LRRC4C: variants seen among roughly 807,000 people sequenced by gnomAD.
LRRC4C encodes the protein leucine rich repeat containing 4C.
LRRC4C carries 5 observed loss-of-function variants against 33.6 expected under a neutral mutation model. That is an observed-to-expected ratio of 0.15 (90% confidence interval 0.08 to 0.31). LRRC4C has a LOEUF of 0.31. Among genes scored for constraint, LRRC4C ranks in the 10% least tolerant of loss-of-function variants. The pLI is 1.00. For missense variants in LRRC4C, 560 were observed against 796.7 expected (o/e 0.70, Z 3.58); for synonymous variants, 329 against 302.0 (o/e 1.09, Z -0.93).
intron 1 of LRRC4C, among the ~76,000 whole-genome samples, chr11:41,046,080 T>C (rs935262047): frequency 1.3e-5 from 2 of 152,210 alleles, no homozygotes; most frequent in Non-Finnish European, 2.9e-5. Flanking sequence ...TGGCCATATT[T>C]TCCATTTGCA....
intron 5 of LRRC4C, among the ~76,000 whole-genome samples, chr11:40,180,741 G>A (rs1590634730): frequency 6.6e-6 from 1 of 152,330 alleles, no homozygotes; most frequent in Non-Finnish European, 1.5e-5. Context: ...CTGAGTGTAA[G>A]GAGATGTTTG....
intron 1 of LRRC4C, among the ~76,000 whole-genome samples, chr11:41,133,477 C>A (rs771753635): frequency 8.4e-6 from 1 of 119,318 alleles, no homozygotes; most frequent in African/African-American, 3.7e-5. Context: ...AAATCCTAAT[C>A]CCCCCCCCGC....
At chr11:40,580,086 T>TGTGTGTGTGTGCGC (rs369797293) in intron 3 of LRRC4C, among the ~76,000 whole-genome samples, 12 of 151,846 alleles carry the variant, frequency 7.9e-5, no homozygotes, top group African/African-American at 2.9e-4. Context: ...TGTGTGTGTG[T>TGTGTGTGTGTGCGC]GCCTTTCAAG....
intron 3 of LRRC4C, chr11:40,445,963 T>A (rs183608191): frequency 6.6e-6 from 1 of 152,352 alleles, no homozygotes; most frequent in Non-Finnish European, 1.5e-5. Flanking sequence ...GAGATTTGAC[T>A]TGAGTTGAAA....
chr11:40,232,841 G>A (rs931778995), intron 5 of LRRC4C, among the ~76,000 whole-genome samples: 16 of 152,140 alleles, frequency 1.1e-4, no homozygotes, highest in African/African-American at 3.6e-4. Context: ...CTGGACTACT[G>A]CAGACGCTTT....
intron 1 of LRRC4C, among the ~76,000 whole-genome samples, chr11:41,458,174 T>A (rs901938038): frequency 4.6e-5 from 7 of 152,220 alleles, no homozygotes; most frequent in South Asian, 2.1e-4. Flanking sequence ...ATCACTTAGG[T>A]ATGCTCTTCT....
At chr11:40,755,081 T>A (rs1340937906) in intron 2 of LRRC4C, among the ~76,000 whole-genome samples, 2 of 152,118 alleles carry the variant, frequency 1.3e-5, no homozygotes, top group African/African-American at 4.8e-5. Context: ...TCAAAGAGTT[T>A]ATCTATTGAG....
intron 1 of LRRC4C, among the ~76,000 whole-genome samples, chr11:41,166,725 CCAGGAACAAA>C (rs1235253662): frequency 6.6e-6 from 1 of 152,036 alleles, no homozygotes; most frequent in Non-Finnish European, 1.5e-5. Flanking sequence ...CACTGTTTCC[CCAGGAACAAA>C]CACAGCTCTG....
At chr11:40,591,346 G>T (rs1480582230) in intron 3 of LRRC4C, among the ~76,000 whole-genome samples, 1 of 152,126 alleles carries the variant, frequency 6.6e-6, no homozygotes, top group Non-Finnish European at 1.5e-5. Context: ...CTGGTGCACG[G>T]TGCACGGACC....
intron 3 of LRRC4C, among the ~76,000 whole-genome samples, chr11:40,554,809 C>T (rs1288890624): frequency 7.2e-6 from 1 of 139,132 alleles, no homozygotes; most frequent in Non-Finnish European, 1.5e-5. Context: ...GCAAGCTCCG[C>T]CTCCCGGGTT....
intron 1 of LRRC4C, among the ~76,000 whole-genome samples, chr11:41,130,113 C>T (rs1165058122): frequency 6.6e-6 from 1 of 151,926 alleles, no homozygotes; most frequent in Non-Finnish European, 1.5e-5. Flanking sequence ...ACTTTCTGTG[C>T]CTCCTTACTG....
rs956736892 is a variant in LRRC4C, at chr11:40,210,608, G to A, written c.-96+30911C>T. Reference sequence around the variant, plus strand: ...TCTGATCCCTGCATCTATTGAAATCGTCTCCTACAACTCACCCTTTCCATC... The same window carrying A: ...TCTGATCCCTGCATCTATTGAAATCATCTCCTACAACTCACCCTTTCCATC... On this transcript the variant is annotated intron_variant, in intron 5 of 6. Transcript: ENST00000528697. 2.6e-5 allele frequency among the ~76,000 whole-genome samples: 4 copies of A among 151,960 alleles called. 1 individual carries two copies. The highest frequency in any genetic ancestry group is 2.0e-4 in the Admixed American group (3 of 15,252).
At chr11:40,839,536 G>A (rs568509467) in intron 2 of LRRC4C, among the ~76,000 whole-genome samples, 67 of 152,212 alleles carry the variant, frequency 4.4e-4, no homozygotes, top group African/African-American at 1.4e-3. Flanking sequence ...GTGAGCCACC[G>A]CGCCTGGCCA....
At chr11:40,341,225 T>C (rs1190485577) in intron 3 of LRRC4C, among the ~76,000 whole-genome samples, 1 of 152,220 alleles carries the variant, frequency 6.6e-6, no homozygotes, top group African/African-American at 2.4e-5. Flanking sequence ...TCCAGCTTCA[T>C]CCTTGTCCCT....
At chr11:40,993,437 G>A (rs1404054524) in intron 1 of LRRC4C, among the ~76,000 whole-genome samples, 3 of 151,926 alleles carry the variant, frequency 2.0e-5, no homozygotes, top group African/African-American at 7.3e-5. Flanking sequence ...GTTATTGCTT[G>A]GTTCGTTCTT....
At chr11:40,582,346 T>A (rs1958504809) in intron 3 of LRRC4C, among the ~76,000 whole-genome samples, 1 of 152,090 alleles carries the variant, frequency 6.6e-6, no homozygotes, top group African/African-American at 2.4e-5. Context: ...TAAACAATAT[T>A]TTTTTCTATA....
intron 1 of LRRC4C, among the ~76,000 whole-genome samples, chr11:41,189,265 A>G (rs1284246796): frequency 6.6e-6 from 1 of 152,180 alleles, no homozygotes; most frequent in East Asian, 1.9e-4. Flanking sequence ...ATGCTGTGAT[A>G]GGTTAGTCTG....
At chr11:40,823,780 T>C (rs1302997371) in intron 2 of LRRC4C, among the ~76,000 whole-genome samples, 5 of 151,850 alleles carry the variant, frequency 3.3e-5, no homozygotes, top group Admixed American at 2.0e-4. Context: ...TTTTGGCAGT[T>C]ATAGTGTTAA....
Position 40,607,874 on chromosome 11 carries a change from C to A in LRRC4C, c.-270+40268G>T, listed in dbSNP as rs192674642. Among the ~76,000 whole-genome samples the A allele has an allele frequency of 1.4e-3, 220 of 152,198 alleles. 1 individual carries two copies. Among genetic ancestry groups the A allele is most frequent in the African/African-American group, 5.1e-3 (214 of 41,558 alleles). Reference sequence around the variant, plus strand: ...TGTAAACACTCATCCCTAGACCCTGCAGTGGGGTTGGTGCCCACGGTCCCC... The same window carrying A: ...TGTAAACACTCATCCCTAGACCCTGAAGTGGGGTTGGTGCCCACGGTCCCC... On this transcript the variant is annotated intron_variant, in intron 3 of 6. Transcript: ENST00000528697.
Sources: allele counts gnomAD v4.1 joint callset (sites outside exome capture counted in the v4.1 genomes callset), GRCh38; gene constraint gnomAD v4.1.1; transcripts MANE v1.5; gene names NCBI Gene and HGNC (gene_info 2026-07-23, HGNC 2026-07-21).